The following RGS7BP variants were observed in gnomAD, a reference collection of about 807,000 sequenced individuals.
The protein encoded by RGS7BP is regulator of G protein signaling 7-binding protein.
RGS7BP carries 9 observed loss-of-function variants against 31.3 expected under a neutral mutation model. The observed-to-expected ratio is 0.29, with a 90% CI of 0.17 to 0.50. RGS7BP has a LOEUF of 0.50. Among genes scored for constraint, RGS7BP ranks in the 20% least tolerant of loss-of-function variants. The pLI, the probability that RGS7BP is intolerant of heterozygous loss-of-function variation, is 0.98. For missense variants in RGS7BP, 274 were observed against 322.0 expected, an observed-to-expected ratio of 0.85 and a Z score of 1.14; for synonymous variants, 115 against 120.1, an observed-to-expected ratio of 0.96 and a Z score of 0.28.
At chr5:64,592,301 A>G (rs150536435) in intron 3 of RGS7BP, among the ~76,000 whole-genome samples, 1 of 152,298 alleles carries the variant, frequency 6.6e-6, no homozygotes, top group African/African-American at 2.4e-5. Flanking sequence ...CACGGTTTCC[A>G]TTCTGGTTCA....
rs1346108129 is a variant in RGS7BP at position 64,575,877 on chromosome 5, C to T, written c.436C>T (p.Leu146=). The T allele has an allele frequency of 6.2e-7, 1 of 1,612,500 alleles. No individual in the cohort carries two copies. The highest frequency in any genetic ancestry group is 1.3e-5 in the African/African-American group (1 of 74,918). Residue 146 remains leucine (L), a synonymous_variant, in exon 3 of 6, where the codon CTG becomes TTG. Coordinates refer to ENST00000334025, the MANE Select transcript of RGS7BP (RefSeq NM_001029875.3). The part of the protein sequence containing the change: ...TTEMLKSICL[L]GSLQFHRKGK... The stretch of plus-strand genomic sequence containing the variant: ...AGAGATGCTAAAATCCATATGTCTG[C>T]TGGGGTCTCTTCAGTTTCATCGAAA...
At chr5:64,516,301 GCCCCCACC>G (rs1748974011) in intron 2 of RGS7BP, among the ~76,000 whole-genome samples, 1 of 152,084 alleles carries the variant, frequency 6.6e-6, no homozygotes, top group African/African-American at 2.4e-5. Flanking sequence ...ATCTTGAAGT[GCCCCCACC>G]CCTATCCCAT....
intron 4 of RGS7BP, among the ~76,000 whole-genome samples, chr5:64,597,235 C>T (rs1743095075): frequency 6.6e-6 from 1 of 152,020 alleles, no homozygotes; most frequent in Non-Finnish European, 1.5e-5. Flanking sequence ...CTACCTTAGA[C>T]TAGAAGCCTC....
chr5:64,546,538 T>C (rs941483982), intron 2 of RGS7BP, among the ~76,000 whole-genome samples: 2 of 152,092 alleles, frequency 1.3e-5, no homozygotes, highest in Non-Finnish European at 1.5e-5. Flanking sequence ...AATGACCATT[T>C]CAGGGAAGGG....
At chr5:64,514,911 C>A (rs1402705347) in intron 2 of RGS7BP, among the ~76,000 whole-genome samples, 1 of 152,188 alleles carries the variant, frequency 6.6e-6, no homozygotes, top group Non-Finnish European at 1.5e-5. Context: ...AGTGTTCTCC[C>A]ATTGCCTATT....
At chr5:64,582,449 C>G (rs533861155) in intron 3 of RGS7BP, among the ~76,000 whole-genome samples, 1 of 152,340 alleles carries the variant, frequency 6.6e-6, no homozygotes, top group South Asian at 2.1e-4. Context: ...TATTTTTGTT[C>G]TCATTTTACC....
At position 64,535,807 on chromosome 5, in the gene RGS7BP, C is replaced by T. The variant is rs538958260; in HGVS notation, c.332+27930C>T. 1.3e-4 allele frequency among the ~76,000 whole-genome samples: 20 copies of T among 152,228 alleles called. 1 individual carries two copies. In the South Asian group the frequency reaches 3.1e-3, roughly 24 times the overall value. Reference sequence around the variant, plus strand: ...TTTAGATTATGACCTCAAGAAGCAACGGAATATTTGGCCAGTTATTGTCAA... The same window carrying T: ...TTTAGATTATGACCTCAAGAAGCAATGGAATATTTGGCCAGTTATTGTCAA... On this transcript the variant is annotated intron_variant, in intron 2 of 5. Coordinates refer to ENST00000334025, the MANE Select transcript of RGS7BP (RefSeq NM_001029875.3).
chr5:64,538,616 G>A (rs538104515), intron 2 of RGS7BP, among the ~76,000 whole-genome samples: 1 of 121,744 alleles, frequency 8.2e-6, no homozygotes, highest in Admixed American at 1.1e-4. Context: ...GAGTGCAGTG[G>A]CACGATCTCA....
intron 2 of RGS7BP, among the ~76,000 whole-genome samples, chr5:64,559,503 G>A (rs890371586): frequency 1.3e-5 from 2 of 152,104 alleles, no homozygotes; most frequent in Admixed American, 6.6e-5. Context: ...GGGGTGCTAG[G>A]TGCCTTCTCA....
chr5:64,574,109 T>G (rs953255255), intron 2 of RGS7BP, among the ~76,000 whole-genome samples: 8 of 152,226 alleles, frequency 5.3e-5, no homozygotes, highest in African/African-American at 1.9e-4. Context: ...CTTCAGATTT[T>G]GCTCTGAAAA....
At chr5:64,599,050 G>A (rs1029700892) in intron 5 of RGS7BP, among the ~76,000 whole-genome samples, 3 of 152,074 alleles carry the variant, frequency 2.0e-5, no homozygotes, top group Admixed American at 6.6e-5. Flanking sequence ...CAAATGAGAG[G>A]GAGATGTTCA....
chr5:64,601,194 A>G (rs1382860502), intron 5 of RGS7BP, among the ~76,000 whole-genome samples: 1 of 151,984 alleles, frequency 6.6e-6, no homozygotes, highest in Non-Finnish European at 1.5e-5. Flanking sequence ...TTCTCTTTTT[A>G]TTCCATTTCA....
intron 5 of RGS7BP, among the ~76,000 whole-genome samples, chr5:64,600,475 GA>G (rs554553808): frequency 1.6e-4 from 24 of 151,820 alleles, no homozygotes; most frequent in African/African-American, 5.1e-4. Context: ...TTTATACACA[GA>G]AAAAAATAAT....
intron 2 of RGS7BP, among the ~76,000 whole-genome samples, chr5:64,569,536 G>C (rs938681883): frequency 3.9e-5 from 6 of 152,118 alleles, no homozygotes; most frequent in African/African-American, 1.2e-4. Context: ...GTATTTATGA[G>C]AGTCTGTAAT....
chr5:64,572,542 A>C (rs986931969), intron 2 of RGS7BP, among the ~76,000 whole-genome samples: 1 of 152,142 alleles, frequency 6.6e-6, no homozygotes, highest in Non-Finnish European at 1.5e-5. Flanking sequence ...TTCTTTAAAT[A>C]GTTCCTTTCT....
intron 3 of RGS7BP, among the ~76,000 whole-genome samples, chr5:64,585,328 T>C (rs75552499): frequency 0.021 from 3,208 of 152,096 alleles, 132 homozygotes; most frequent in African/African-American, 0.074. Context: ...ATAAATTCAC[T>C]TTACTGGACA....
intron 2 of RGS7BP, among the ~76,000 whole-genome samples, chr5:64,513,940 G>C (rs1196317268): frequency 1.3e-5 from 2 of 152,160 alleles, no homozygotes; most frequent in Non-Finnish European, 2.9e-5. Flanking sequence ...CAAACGGAGT[G>C]GCTTAAACAA....
intron 2 of RGS7BP, among the ~76,000 whole-genome samples, chr5:64,562,041 G>A (rs753292983): frequency 3.6e-4 from 55 of 152,206 alleles, no homozygotes; most frequent in Middle Eastern, 3.4e-3. Flanking sequence ...ATCAAGGAAG[G>A]AAATAAAGGA....
At chr5:64,530,968 C>T (rs757303794) in intron 2 of RGS7BP, among the ~76,000 whole-genome samples, 4 of 152,170 alleles carry the variant, frequency 2.6e-5, no homozygotes, top group Non-Finnish European at 5.9e-5. Context: ...TTGCCCTAGC[C>T]AACACCACTG....
Sources: allele counts gnomAD v4.1 joint callset (sites outside exome capture counted in the v4.1 genomes callset), GRCh38; gene constraint gnomAD v4.1.1; transcripts MANE v1.5; gene names NCBI Gene and HGNC (gene_info 2026-07-23, HGNC 2026-07-21).